MACROD2: variants seen among roughly 807,000 people sequenced by gnomAD.
MACROD2 encodes ADP-ribose glycohydrolase MACROD2.
A neutral mutation model predicts 70.4 loss-of-function variants in MACROD2; 36 were observed. The ratio of observed to expected loss-of-function variants is 0.51; its 90% CI spans 0.39 to 0.68. MACROD2 has a LOEUF of 0.68. MACROD2 is among the 30% of genes least tolerant of loss of function. The probability of loss-of-function intolerance (pLI) is 0.00; values close to 1 mark genes in which losing one functional copy is unlikely to be tolerated. For missense variants in MACROD2, 496 were observed against 538.4 expected, an observed-to-expected ratio of 0.92 and a Z score of 0.78; for synonymous variants, 172 against 178.8, an observed-to-expected ratio of 0.96 and a Z score of 0.30.
intron 15 of MACROD2, among the ~76,000 whole-genome samples, chr20:16,000,917 G>T (rs1358585462): frequency 1.3e-5 from 2 of 152,216 alleles, no homozygotes; most frequent in Admixed American, 6.5e-5. Context: ...GGTTGGAATA[G>T]AGGCTCAACA....
At chr20:15,570,042 T>C (rs2048357032) in intron 8 of MACROD2, among the ~76,000 whole-genome samples, 1 of 152,148 alleles carries the variant, frequency 6.6e-6, no homozygotes, top group Non-Finnish European at 1.5e-5. Context: ...GTTTTATTTT[T>C]TGAGGAACCT....
Position 15,387,782 on chromosome 20 carries a change from A to G in MACROD2, c.541-43623A>G, listed in dbSNP as rs1284962792. Among the ~76,000 whole-genome samples, 8 of 150,164 alleles carry G rather than the reference A, an allele frequency of 5.3e-5. No individual in the cohort carries two copies. The Admixed American group carries it at 5.4e-4, about 10-fold the overall frequency. The stretch of plus-strand genomic sequence containing the variant: ...TGAGACAGGTCTCACTCTGTCATCC[A>G]AGCTGGAGTGAGTGGGGTGATCATA... On this transcript the variant is annotated intron_variant, in intron 6 of 17. Transcript: ENST00000684519.
chr20:15,656,560 T>C (rs2049733640), intron 8 of MACROD2, among the ~76,000 whole-genome samples: 1 of 152,184 alleles, frequency 6.6e-6, no homozygotes, highest in Non-Finnish European at 1.5e-5. Flanking sequence ...GAATCGTTTG[T>C]GCCAAACCCC....
At position 15,593,664 on chromosome 20, in the gene MACROD2, G is replaced by A. The variant is rs74663978; in HGVS notation, c.645+93817G>A. 3.3e-5 allele frequency among the ~76,000 whole-genome samples: 5 copies of A among 152,182 alleles called. No individual in the cohort carries two copies. The East Asian group carries it at 9.6e-4, about 29-fold the overall frequency. ...GTATAGAAATTTCACTCTTCAAGAG[G>A]TGGTCTATTTTCTTAAGTTGAAATT... On this transcript the variant is annotated intron_variant, in intron 8 of 17. Coordinates refer to ENST00000684519, the MANE Select transcript of MACROD2 (RefSeq NM_001351661.2).
At chr20:15,461,007 T>TATATATATATATA (rs1491341955) in intron 7 of MACROD2, among the ~76,000 whole-genome samples, 2 of 42,836 alleles carry the variant, frequency 4.7e-5, no homozygotes, top group Non-Finnish European at 1.2e-4. Flanking sequence ...TATATATATA[T>TATATATATATATA]TTTTTTTTAA....
intron 5 of MACROD2, among the ~76,000 whole-genome samples, chr20:14,792,101 A>G (rs1444757593): frequency 6.6e-6 from 1 of 152,042 alleles, no homozygotes; most frequent in Non-Finnish European, 1.5e-5. Context: ...GCATTATATA[A>G]CTTGCCTCAT....
chr20:14,675,938 T>TA (rs1004905780), intron 4 of MACROD2, among the ~76,000 whole-genome samples: 3 of 151,482 alleles, frequency 2.0e-5, no homozygotes, highest in African/African-American at 4.8e-5. Flanking sequence ...CAACAAAGAT[T>TA]AAAAAAAAGA....
intron 3 of MACROD2, among the ~76,000 whole-genome samples, chr20:14,388,210 C>T (rs2083488876): frequency 6.6e-6 from 1 of 151,954 alleles, no homozygotes; most frequent in Non-Finnish European, 1.5e-5. Context: ...GACAGGGTTT[C>T]ACTGTGTTCG....
chr20:15,543,780 C>T (rs887188821), intron 8 of MACROD2, among the ~76,000 whole-genome samples: 1 of 152,200 alleles, frequency 6.6e-6, no homozygotes, highest in African/African-American at 2.4e-5. Flanking sequence ...GTCAGCTGGT[C>T]ATTGACTGAC....
chr20:14,696,927 A>G (rs2071132887), intron 5 of MACROD2, among the ~76,000 whole-genome samples: 1 of 152,190 alleles, frequency 6.6e-6, no homozygotes, highest in African/African-American at 2.4e-5. Flanking sequence ...TATACTTAGT[A>G]CAGTATATTA....
chr20:15,295,800 T>TAAAG (rs2077582264), intron 6 of MACROD2, among the ~76,000 whole-genome samples: 2 of 152,298 alleles, frequency 1.3e-5, no homozygotes, highest in Admixed American at 6.5e-5. Context: ...AAAGAGCAGA[T>TAAAG]AAGCTACAAG....
chr20:15,580,964 G>A (rs1252304374), intron 8 of MACROD2, among the ~76,000 whole-genome samples: 1 of 152,328 alleles, frequency 6.6e-6, no homozygotes, highest in African/African-American at 2.4e-5. Context: ...AGTCTGTGCA[G>A]GTGTGTTGAC....
At chr20:15,399,874 T>C (rs2045907177) in intron 6 of MACROD2, among the ~76,000 whole-genome samples, 2 of 152,206 alleles carry the variant, frequency 1.3e-5, no homozygotes, top group South Asian at 2.1e-4. Flanking sequence ...AAATCTGAGT[T>C]GGAGCTTAGC....
At chr20:15,812,874 G>A (rs1016304136) in intron 8 of MACROD2, among the ~76,000 whole-genome samples, 15 of 152,080 alleles carry the variant, frequency 9.9e-5, no homozygotes, top group East Asian at 1.9e-4. Flanking sequence ...AAACAAACAG[G>A]CCTAGATCTG....
rs189882508 is a variant in MACROD2 at position 14,919,557 on chromosome 20, G to A, written c.418+234598G>A. On this transcript the variant is annotated intron_variant, in intron 5 of 17. Coordinates refer to ENST00000684519, the MANE Select transcript of MACROD2 (RefSeq NM_001351661.2). ...TGCAAGCAACCAGGAACAGGGCCGT[G>A]TTCTCTTTGTTCCTTGTACTGCTTT... Among the ~76,000 whole-genome samples the A allele has an allele frequency of 3.9e-5, 6 of 152,326 alleles. No homozygotes were observed. In the East Asian group the frequency reaches 1.2e-3, roughly 29 times the overall value.
intron 3 of MACROD2, among the ~76,000 whole-genome samples, chr20:14,122,628 G>C (rs576641114): frequency 1.9e-4 from 29 of 149,862 alleles, no homozygotes; most frequent in Admixed American, 6.6e-4. Context: ...CCTTCTCAAG[G>C]GGGTGTCAGA....
intron 5 of MACROD2, among the ~76,000 whole-genome samples, chr20:14,970,911 T>C (rs2074684873): frequency 6.6e-6 from 1 of 152,002 alleles, no homozygotes; most frequent in African/African-American, 2.4e-5. Flanking sequence ...GCCACCATGC[T>C]CAGCAAAAAA....
At chr20:14,818,072 G>T (rs570806127) in intron 5 of MACROD2, among the ~76,000 whole-genome samples, 1 of 152,200 alleles carries the variant, frequency 6.6e-6, no homozygotes, top group East Asian at 1.9e-4. Context: ...CCTGATCTAT[G>T]GAAGATGGAA....
chr20:15,339,105 T>G (rs554176410), intron 6 of MACROD2, among the ~76,000 whole-genome samples: 1 of 151,920 alleles, frequency 6.6e-6, no homozygotes, highest in Admixed American at 6.5e-5. Flanking sequence ...TCACCGTGAT[T>G]AGAAGCTCAA....
Sources: gnomAD v4.1 joint callset for allele counts (sites outside exome capture counted in the v4.1 genomes callset) on GRCh38, gnomAD v4.1.1 for gene constraint, MANE v1.5 for transcripts, NCBI Gene and HGNC (gene_info 2026-07-23, HGNC 2026-07-21) for gene names.